Variants in TSHZ2 observed in about 807,000 individuals in gnomAD.
TSHZ2 encodes teashirt zinc finger homeobox 2.
A neutral mutation model predicts 74.4 loss-of-function variants in TSHZ2; 21 were observed. The observed-to-expected ratio is 0.28, with a 90% CI of 0.20 to 0.41. TSHZ2 has a LOEUF of 0.41. TSHZ2 is among the 10% of genes least tolerant of loss of function. TSHZ2 has a pLI of 1.00. For synonymous variants in TSHZ2, 540 were observed against 515.3 expected (o/e 1.05, Z -0.65); for missense variants, 1,244 against 1,293.5 (o/e 0.96, Z 0.59).
intron 2 of TSHZ2, among the ~76,000 whole-genome samples, chr20:53,420,858 A>T (rs1600626026): frequency 6.6e-6 from 1 of 152,234 alleles, no homozygotes; most frequent in South Asian, 2.1e-4. Flanking sequence ...ACCCATTAGC[A>T]TAAAAAGGGA....
intron 2 of TSHZ2, among the ~76,000 whole-genome samples, chr20:53,466,154 G>A (rs1310057286): frequency 6.6e-6 from 1 of 151,910 alleles, no homozygotes; most frequent in Non-Finnish European, 1.5e-5. Flanking sequence ...GGCTGAGGCA[G>A]GAGAAATCAC....
At chr20:53,318,442 C>A (rs1979115435) in intron 2 of TSHZ2, among the ~76,000 whole-genome samples, 1 of 152,126 alleles carries the variant, frequency 6.6e-6, no homozygotes, top group Non-Finnish European at 1.5e-5. Context: ...CAGGGCCTGG[C>A]AATTAAGACA....
chr20:53,017,352 T>C (rs1983074791), intron 1 of TSHZ2, among the ~76,000 whole-genome samples: 2 of 152,216 alleles, frequency 1.3e-5, no homozygotes, highest in South Asian at 4.1e-4. Flanking sequence ...AAGTCCTCTC[T>C]GTCTTTCTCC....
chr20:53,472,834 G>T (rs1985861115), intron 2 of TSHZ2, among the ~76,000 whole-genome samples: 2 of 152,006 alleles, frequency 1.3e-5, no homozygotes, highest in East Asian at 1.9e-4. Context: ...GTGAGGCATT[G>T]CCTCACTCGG....
chr20:53,396,005 G>A (rs867053613), intron 2 of TSHZ2, among the ~76,000 whole-genome samples: 17 of 152,120 alleles, frequency 1.1e-4, no homozygotes, highest in South Asian at 4.1e-4. Flanking sequence ...GCGCGATCTC[G>A]GCTCACTGCA....
At chr20:53,316,481 T>C (rs2145511996) in intron 2 of TSHZ2, among the ~76,000 whole-genome samples, 1 of 152,166 alleles carries the variant, frequency 6.6e-6, no homozygotes, top group East Asian at 1.9e-4. Context: ...TCAGGGGCTG[T>C]GGTGAGGTTA....
chr20:53,441,919 C>T (rs901324583), intron 2 of TSHZ2, among the ~76,000 whole-genome samples: 7 of 152,152 alleles, frequency 4.6e-5, no homozygotes, highest in African/African-American at 1.7e-4. Flanking sequence ...AACATTCTCT[C>T]CACTCGAGGG....
intron 2 of TSHZ2, among the ~76,000 whole-genome samples, chr20:53,451,247 G>A (rs995288593): frequency 3.9e-5 from 6 of 152,140 alleles, no homozygotes; most frequent in South Asian, 2.1e-4. Flanking sequence ...TAACTCTCTC[G>A]ATCTCAAAGT....
chr20:53,111,957 G>A (rs978021325), intron 1 of TSHZ2, among the ~76,000 whole-genome samples: 3 of 152,258 alleles, frequency 2.0e-5, no homozygotes, highest in East Asian at 1.9e-4. Context: ...TGCTGCCACC[G>A]CCTTGCCCCA....
intron 1 of TSHZ2, among the ~76,000 whole-genome samples, chr20:52,980,399 C>T (rs1458114263): frequency 6.6e-6 from 1 of 150,620 alleles, no homozygotes; most frequent in African/African-American, 2.5e-5. Flanking sequence ...GTTTCCACAA[C>T]ACTGCTAGAC....
intron 2 of TSHZ2, among the ~76,000 whole-genome samples, chr20:53,262,656 C>T (rs527517003): frequency 3.9e-5 from 6 of 152,306 alleles, no homozygotes; most frequent in South Asian, 2.1e-4. Flanking sequence ...CATGATGCCA[C>T]GCCCTGCAAG....
chr20:53,243,704 TG>T lies in TSHZ2; in HGVS notation c.41-9794del, dbSNP rs143298677. ...GAAAATTCTTTCCACTTCGGGCTTC[TG>T]TGATTCTTCTAGAGACAGCAAAGAC... On this transcript the variant is annotated intron_variant, in intron 1 of 2. Coordinates refer to ENST00000371497, the MANE Select transcript of TSHZ2 (RefSeq NM_173485.6). Among the ~76,000 whole-genome samples the T allele has an allele frequency of 3.2e-3, 485 of 152,336 alleles. 4 individuals are homozygous for T. The highest frequency in any genetic ancestry group is 0.011 in the African/African-American group (465 of 41,574).
intron 1 of TSHZ2, among the ~76,000 whole-genome samples, chr20:53,104,026 A>G (rs1986291321): frequency 6.6e-6 from 1 of 152,174 alleles, no homozygotes; most frequent in East Asian, 1.9e-4. Flanking sequence ...CGCTTCAGCC[A>G]GTGTGGAAAG....
In TSHZ2 at chr20:53,253,929, C is replaced by A. The variant is rs1357804804; in HGVS notation, c.471C>A (p.Thr157=). Reference sequence around the variant, plus strand: ...ATAGTGAGAGGAGGAACTGTGACACCCGAAACGGCAGCAACAAGAGTGATT... The same window carrying A: ...ATAGTGAGAGGAGGAACTGTGACACACGAAACGGCAGCAACAAGAGTGATT... ...LSNSERRNCD[T]RNGSNKSDFD... is the part of the protein sequence containing the mutation. Residue 157 remains threonine (T), a synonymous_variant, in exon 2 of 3, where the codon ACC becomes ACA. Transcript: ENST00000371497. 1 of 1,614,188 alleles carries A rather than the reference C, an allele frequency of 6.2e-7. No homozygotes were observed. Among genetic ancestry groups the A allele is most frequent in the Admixed American group, 1.7e-5 (1 of 60,024 alleles).
chr20:53,101,975 C>A (rs1487267980), intron 1 of TSHZ2, among the ~76,000 whole-genome samples: 1 of 151,846 alleles, frequency 6.6e-6, no homozygotes, highest in Non-Finnish European at 1.5e-5. Context: ...TTGGAATATC[C>A]CTATGAGGAC....
At chr20:53,140,539 CAAAAAAAAAA>C (rs34045440) in intron 1 of TSHZ2, among the ~76,000 whole-genome samples, 3 of 79,786 alleles carry the variant, frequency 3.8e-5, no homozygotes, top group African/African-American at 4.8e-5. Flanking sequence ...GACTCCGTCT[CAAAAAAAAAA>C]AAAAAAAAAA....
chr20:53,148,598 T>C (rs1987598719), intron 1 of TSHZ2, among the ~76,000 whole-genome samples: 1 of 152,210 alleles, frequency 6.6e-6, no homozygotes, highest in Non-Finnish European at 1.5e-5. Context: ...AGTGCAGTGG[T>C]TTTGATTGAA....
At chr20:53,347,063 A>G (rs1319196970) in intron 2 of TSHZ2, among the ~76,000 whole-genome samples, 1 of 152,176 alleles carries the variant, frequency 6.6e-6, no homozygotes, top group Non-Finnish European at 1.5e-5. Flanking sequence ...GGCTCCTGGG[A>G]AAGCAGTCCC....
chr20:53,194,722 TA>T (rs1555834915), intron 1 of TSHZ2, among the ~76,000 whole-genome samples: 1 of 152,194 alleles, frequency 6.6e-6, no homozygotes, highest in Non-Finnish European at 1.5e-5. Context: ...AAGGCCTGGG[TA>T]AGGCCTGGGC....
Sources: allele counts gnomAD v4.1 joint callset (sites outside exome capture counted in the v4.1 genomes callset), GRCh38; gene constraint gnomAD v4.1.1; transcripts MANE v1.5; gene names NCBI Gene and HGNC (gene_info 2026-07-23, HGNC 2026-07-21).